The following PPP1R37 variants were observed in gnomAD, a reference collection of about 807,000 sequenced individuals.
PPP1R37 encodes the protein leucine rich repeat containing 68.
In PPP1R37, 21 loss-of-function variants were observed where a neutral mutation model predicts 61.0. The ratio of observed to expected loss-of-function variants is 0.34; its 90% CI spans 0.24 to 0.50. The LOEUF (loss-of-function observed/expected upper bound fraction) is 0.50. PPP1R37 is among the 20% of genes least tolerant of loss of function. The pLI, the probability that PPP1R37 is intolerant of heterozygous loss-of-function variation, is 0.98. For synonymous variants in PPP1R37, 443 were observed against 433.5 expected, an observed-to-expected ratio of 1.02 and a Z score of -0.27; for missense variants, 910 against 952.7, an observed-to-expected ratio of 0.96 and a Z score of 0.59.
At chr19:45,128,419 T>C in intron 1 of PPP1R37, 1 of 479,056 alleles carries the variant, frequency 2.1e-6, no homozygotes, top group Non-Finnish European at 3.7e-6. Context: ...AGCAAAATAT[T>C]GTGATGCCTG....
chr19:45,131,480 C>G (rs571737414), intron 1 of PPP1R37, among the ~76,000 whole-genome samples: 1 of 152,348 alleles, frequency 6.6e-6, no homozygotes, highest in East Asian at 1.9e-4. Context: ...CTTCCAGGCT[C>G]CATCCCTTGG....
chr19:45,112,209 A>G (rs985995122), intron 1 of PPP1R37, among the ~76,000 whole-genome samples: 6 of 116,792 alleles, frequency 5.1e-5, no homozygotes, highest in Non-Finnish European at 1.2e-4. Flanking sequence ...TCCTGACCTC[A>G]AGTGATCCGC....
chr19:45,093,692 A>G (rs990893775), intron 1 of PPP1R37, among the ~76,000 whole-genome samples, 165 bp downstream of exon 1: 1 of 152,160 alleles, frequency 6.6e-6, no homozygotes, highest in Non-Finnish European at 1.5e-5. Context: ...GGGGGTGGCT[A>G]TGGAGTTGGG....
intron 2 of PPP1R37, among the ~76,000 whole-genome samples, chr19:45,139,601 C>G (rs993936269): frequency 2.0e-5 from 3 of 152,248 alleles, no homozygotes; most frequent in African/African-American, 7.2e-5. Flanking sequence ...CCTTGTCCAT[C>G]AGTGTTCACT....
At position 45,093,577 on chromosome 19, in the gene PPP1R37, C is replaced by A. The variant is rs767207775; in HGVS notation, c.202+50C>A. The A allele has an allele frequency of 1.4e-5, 20 of 1,440,838 alleles. 1 individual carries two copies. The South Asian group carries it at 1.6e-4, about 11-fold the overall frequency. 89.3% of individuals were successfully genotyped at this position (1,440,838 alleles called of 1,614,324 possible). A position where few individuals can be genotyped will look rare whatever the true frequency, so the allele number is the denominator to read the frequency against. ...GCGGGCTCGAGAGGGACCCGGGAGT[C>A]GGGAGGGATCGGTGCAGGGCCCGGC... On this transcript the variant is annotated intron_variant, in intron 1 of 12. Coordinates refer to ENST00000221462, the MANE Select transcript of PPP1R37 (RefSeq NM_019121.2).
intron 7 of PPP1R37, 118 bp from the exon 8 acceptor site, chr19:45,143,403 C>T (rs1968639673): frequency 3.2e-6 from 2 of 624,638 alleles, no homozygotes; most frequent in East Asian, 5.7e-5. Context: ...AGGGCAAGGC[C>T]TGGGACTGCG....
intron 1 of PPP1R37, among the ~76,000 whole-genome samples, chr19:45,093,866 G>A (rs1003932256): frequency 1.3e-5 from 2 of 152,212 alleles, no homozygotes; most frequent in Middle Eastern, 3.2e-3. Flanking sequence ...AAGGAGAGAA[G>A]GAGCAGTTGA....
chr19:45,142,338 C>T lies in PPP1R37; in HGVS notation c.754C>T (p.Leu252=). Residue 252 remains leucine (L), a synonymous_variant, in exon 7 of 13, where the codon CTG becomes TTG. Coordinates refer to ENST00000221462, the MANE Select transcript of PPP1R37 (RefSeq NM_019121.2). ...GAAGATGAACATGAACCTGCGGGAGCTGTACCTGGCGGACAACAAGCTCAA... is the reference window on the plus strand; with the variant it reads ...GAAGATGAACATGAACCTGCGGGAGTTGTACCTGGCGGACAACAAGCTCAA... ...ALKMNMNLRE[L]YLADNKLNGL... The T allele has an allele frequency of 1.3e-6, 2 of 1,536,114 alleles. No individual in the cohort carries two copies. The highest frequency in any genetic ancestry group is 1.7e-6 in the Non-Finnish European group (2 of 1,146,908).
chr19:45,096,114 G>A (rs934641858), intron 1 of PPP1R37, among the ~76,000 whole-genome samples: 1 of 152,172 alleles, frequency 6.6e-6, no homozygotes. Context: ...GTTCTCGATG[G>A]CAGTCATTGT....
chr19:45,145,818 A>AC lies in PPP1R37; in HGVS notation c.1766dup (p.Pro590SerfsTer22). On this transcript the variant is annotated frameshift_variant, in exon 11 of 13. Coordinates refer to ENST00000221462, the MANE Select transcript of PPP1R37 (RefSeq NM_019121.2). LOFTEE classifies it high-confidence loss of function. ...GAGGGCAGAGCCCCCTGCGTCCCCCACCCCTCCCTCTCCCCCACCCCCTCC... is the reference window on the plus strand; with the variant it reads ...GAGGGCAGAGCCCCCTGCGTCCCCCACCCCCTCCCTCTCCCCCACCCCCTCC... 3 of 254,874 alleles carry AC rather than the reference A, an allele frequency of 1.2e-5. No individual in the cohort carries two copies. The highest frequency in any genetic ancestry group is 1.7e-5 in the Non-Finnish European group (3 of 180,318). The allele number at this position is 254,874 out of a possible 1,614,324, so 15.8% of individuals were successfully genotyped here. A position where few individuals can be genotyped will look rare whatever the true frequency, so the allele number is the denominator to read the frequency against.
intron 1 of PPP1R37, among the ~76,000 whole-genome samples, chr19:45,132,974 T>C (rs1004959573): frequency 8.5e-5 from 13 of 152,316 alleles, no homozygotes; most frequent in African/African-American, 3.1e-4. Context: ...CTCATCCCCA[T>C]TTTAGGGATA....
rs771601517 is a variant in PPP1R37, at chr19:45,145,010, C to T, written c.1129+15C>T. ...CACGTGCGAGGGTAGGGTACGGGGC[C>T]GGGCCAGGGTGCGGGCTGGTGGGCT... On this transcript the variant is annotated intron_variant, in intron 9 of 12. Transcript: ENST00000221462. 7.8e-6 allele frequency: 12 copies of T among 1,530,666 alleles called. 1 individual carries two copies. The South Asian group carries it at 9.6e-5, about 12-fold the overall frequency. The allele number at this position is 1,530,666 out of a possible 1,614,324, so 94.8% of individuals were successfully genotyped here.
rs1431245087 is a variant in PPP1R37 at position 45,119,218 on chromosome 19, G to T, written c.203-19296G>T. 8.7e-5 allele frequency among the ~76,000 whole-genome samples: 13 copies of T among 149,486 alleles called. No individual in the cohort carries two copies. The East Asian group carries it at 2.6e-3, about 30-fold the overall frequency. On this transcript the variant is annotated intron_variant, in intron 1 of 12. Coordinates refer to ENST00000221462, the MANE Select transcript of PPP1R37 (RefSeq NM_019121.2). ...CACCCAGGCTGGAGTGCAGTGACAC[G>T]ATCTCAGCTCACTGCAGCCTCTGCT...
At chr19:45,109,171 G>C (rs1448537636) in intron 1 of PPP1R37, among the ~76,000 whole-genome samples, 1 of 152,196 alleles carries the variant, frequency 6.6e-6, no homozygotes, top group Non-Finnish European at 1.5e-5. Flanking sequence ...CTCCTCTATT[G>C]AAGATAGATG....
rs575049085 is a variant in PPP1R37, at chr19:45,146,296, T to G, written c.1994-94T>G. The G allele has an allele frequency of 1.5e-3, 1,802 of 1,189,892 alleles. 48 individuals carry two copies. The South Asian group carries it at 0.024, about 16-fold the overall frequency. 73.7% of individuals were successfully genotyped at this position (1,189,892 alleles called of 1,614,324 possible). On this transcript the variant is annotated intron_variant, in intron 11 of 12. Transcript: ENST00000221462. ...CCATCTCAGCGGTCTCTGGGCACTC[T>G]GCAGGCCCTGAGGGTCTGGCTGGGG...
At chr19:45,123,751 A>G (rs907406093) in intron 1 of PPP1R37, among the ~76,000 whole-genome samples, 3 of 152,230 alleles carry the variant, frequency 2.0e-5, no homozygotes, top group African/African-American at 7.2e-5. Context: ...GGAATGCTTT[A>G]GGGCATGTTT....
In PPP1R37 at chr19:45,130,102, G is replaced by A. The variant is rs113267304; in HGVS notation, c.203-8412G>A. 3.5e-4 allele frequency among the ~76,000 whole-genome samples: 53 copies of A among 152,188 alleles called. No homozygotes were observed. Among genetic ancestry groups the A allele is most frequent in the African/African-American group, 1.2e-3 (51 of 41,522 alleles). ...ATGCCTGGGCTGCAGGCATTGACTC[G>A]CCTGTGTCCCACAACCCCTCTTGGA... On this transcript the variant is annotated intron_variant, in intron 1 of 12. Coordinates refer to ENST00000221462, the MANE Select transcript of PPP1R37 (RefSeq NM_019121.2). The surrounding 1 kb of genome is among the most constrained non-coding windows in gnomAD (Gnocchi z 4.4).
intron 1 of PPP1R37, among the ~76,000 whole-genome samples, chr19:45,116,467 G>C (rs981917643): frequency 6.6e-6 from 1 of 152,212 alleles, no homozygotes; most frequent in South Asian, 2.1e-4. Context: ...CCTCCCTGCC[G>C]GGAAGGGCAG....
rs1968437294 is a variant in PPP1R37 at position 45,128,559 on chromosome 19, C to G, written c.203-9955C>G. 4.0e-6 allele frequency: 5 copies of G among 1,245,568 alleles called. No homozygotes were observed. In the South Asian group the frequency reaches 6.1e-5, roughly 15 times the overall value. The allele number at this position is 1,245,568 out of a possible 1,614,324, so 77.2% of individuals were successfully genotyped here. On this transcript the variant is annotated intron_variant, in intron 1 of 12. Transcript: ENST00000221462. ...GTGTTTGCGAGAGCTGGAATCGAAG[C>G]CTCTTAAAATGGCAGATGATTTGGA...
Sources: gnomAD v4.1 joint callset for allele counts (sites outside exome capture counted in the v4.1 genomes callset) on GRCh38, gnomAD v4.1.1 for gene constraint, Gnocchi (gnomAD v3.1) non-coding constraint, MANE v1.5 for transcripts, NCBI Gene and HGNC (gene_info 2026-07-23, HGNC 2026-07-21) for gene names.